The following ARHGAP11A variants were observed in gnomAD, a reference collection of about 807,000 sequenced individuals.
ARHGAP11A encodes rho GTPase-activating protein 11A.
ARHGAP11A carries 36 observed loss-of-function variants against 60.5 expected under a neutral mutation model. The observed-to-expected ratio is 0.59, with a 90% CI of 0.46 to 0.79. The LOEUF (loss-of-function observed/expected upper bound fraction) is 0.79. Ranked by LOEUF, ARHGAP11A falls within the 30% of genes least tolerant of loss-of-function variation. The probability of loss-of-function intolerance (pLI) is 0.00; values close to 1 mark genes in which losing one functional copy is unlikely to be tolerated. For missense variants in ARHGAP11A, 1,071 were observed against 1,199.2 expected (o/e 0.89, Z 1.58); for synonymous variants, 362 against 415.5 (o/e 0.87, Z 1.57).
intron 2 of ARHGAP11A, among the ~76,000 whole-genome samples, chr15:32,621,841 A>AG (rs1491563289): frequency 6.8e-3 from 1 of 148 alleles, no homozygotes; most frequent in East Asian, 0.071. Flanking sequence ...AAAAAAAAAG[A>AG]AAAAAAAAGA....
At chr15:32,621,861 A>G (rs1162460056) in intron 2 of ARHGAP11A, among the ~76,000 whole-genome samples, 1 of 152,286 alleles carries the variant, frequency 6.6e-6, no homozygotes, top group African/African-American at 2.4e-5. Flanking sequence ...AATGTAATCT[A>G]AAAATGCATA....
In ARHGAP11A at chr15:32,633,065, G is replaced by A; in HGVS notation, c.1192G>A (p.Val398Met). The A allele has an allele frequency of 6.2e-7, 1 of 1,614,112 alleles. No homozygotes were observed. The highest frequency in any genetic ancestry group is 1.1e-5 in the South Asian group (1 of 91,080). ...IGGNHLITAG[V>M]PRRSKRIAGK... ...TGGAAACCATTTGATCACTGCAGGT[G>A]TGCCAAGGCGAAGTAAAAGAATTGC... Residue 398 changes from valine to methionine, a missense_variant, in exon 9 of 12, where the codon GTG becomes ATG. Val to Met is a conservative substitution (Grantham distance 21). Coordinates refer to ENST00000361627, the MANE Select transcript of ARHGAP11A (RefSeq NM_014783.6).
In ARHGAP11A at chr15:32,638,584, C is replaced by A. The variant is rs1367929624; in HGVS notation, c.*739C>A. 6.6e-6 allele frequency: 1 copy of A among 152,296 alleles called. No homozygotes were observed. The highest frequency in any genetic ancestry group is 1.5e-5 in the Non-Finnish European group (1 of 68,012). The allele number at this position is 152,296 out of a possible 1,614,324, so 9.4% of individuals were successfully genotyped here. On this transcript the variant is annotated 3_prime_UTR_variant, in exon 12 of 12. Coordinates refer to ENST00000361627, the MANE Select transcript of ARHGAP11A (RefSeq NM_014783.6). Reference sequence around the variant, plus strand: ...TGGAATTATATTAATGTTTATTGTCCTTGCCAAAATTCCTAGAAATTAATT... The same window carrying A: ...TGGAATTATATTAATGTTTATTGTCATTGCCAAAATTCCTAGAAATTAATT...
intron 2 of ARHGAP11A, among the ~76,000 whole-genome samples, chr15:32,623,179 CTG>C (rs1441624751): frequency 1.3e-5 from 2 of 150,078 alleles, no homozygotes; most frequent in Admixed American, 6.6e-5. Flanking sequence ...TGAGTAGAGA[CTG>C]AGATATGAAG....
In ARHGAP11A at chr15:32,629,740, T is replaced by C. The variant is rs2053546627; in HGVS notation, c.1083T>C (p.Asn361=). 6.2e-7 allele frequency: 1 copy of C among 1,611,502 alleles called. No homozygotes were observed. Among genetic ancestry groups the C allele is most frequent in the Non-Finnish European group, 8.5e-7 (1 of 1,179,340 alleles). The part of the protein sequence containing the change: ...NFELLPSNLF[N]SSSTPVSVHI... ...AGCTGTTGCCAAGTAATCTCTTCAA[T>C]AGCAGTTCTACACCGGTATCAGGTA... Residue 361 remains asparagine, a synonymous_variant, in exon 8 of 12, where the codon AAT becomes AAC. Coordinates refer to ENST00000361627, the MANE Select transcript of ARHGAP11A (RefSeq NM_014783.6).
At chr15:32,633,841 A>C in intron 9 of ARHGAP11A, 92 bp from the exon 10 acceptor site, 1 of 727,778 alleles carries the variant, frequency 1.4e-6, no homozygotes, top group Non-Finnish European at 2.3e-6. Context: ...TATCAATATG[A>C]TTTGCTGTGG....
At position 32,633,921 on chromosome 15, in the gene ARHGAP11A, C is replaced by T. The variant is rs1476600110; in HGVS notation, c.1236-12C>T. On this transcript the variant is annotated splice_polypyrimidine_tract_variant and intron_variant, in intron 9 of 11. Coordinates refer to ENST00000361627, the MANE Select transcript of ARHGAP11A (RefSeq NM_014783.6). ...TACTATAAACTGACATTTTTAATTC[C>T]ACTTCTTCTAGAGTGGAATCAGGAA... 10 of 1,544,404 alleles carry T rather than the reference C, an allele frequency of 6.5e-6. No individual in the cohort carries two copies. Among genetic ancestry groups the T allele is most frequent in the East Asian group, 2.3e-5 (1 of 42,990 alleles).
At position 32,637,146 on chromosome 15, in the gene ARHGAP11A, T is replaced by C. The variant is rs947021953; in HGVS notation, c.2373T>C (p.Cys791=). 1 of 1,614,032 alleles carries C rather than the reference T, an allele frequency of 6.2e-7. No homozygotes were observed. Among genetic ancestry groups the C allele is most frequent in the African/African-American group, 1.3e-5 (1 of 74,938 alleles). Residue 791 remains cysteine (C), a synonymous_variant, in exon 12 of 12, where the codon TGT becomes TGC. Transcript: ENST00000361627. The part of the protein sequence containing the change: ...RIAKQQSLET[C]EKTVSESSQM... ...CTAAACAGCAGTCATTGGAAACATG[T>C]GAGAAAACAGTTTCTGAAAGTTCAC...
rs759696997 is a variant in ARHGAP11A, at chr15:32,627,405, A to C, written c.863-1323A>C. 8.6e-5 allele frequency among the ~76,000 whole-genome samples: 13 copies of C among 151,870 alleles called. 1 individual carries two copies. Among genetic ancestry groups the C allele is most frequent in the Non-Finnish European group, 1.5e-4 (10 of 67,970 alleles). On this transcript the variant is annotated intron_variant, in intron 6 of 11. Transcript: ENST00000361627. ...CAGTTTTCATGTCGTATAAGATTCTATCTCCGTAGTGTTTATTGCATTGTT... is the reference window on the plus strand; with the variant it reads ...CAGTTTTCATGTCGTATAAGATTCTCTCTCCGTAGTGTTTATTGCATTGTT...
At chr15:32,629,861 C>G in intron 8 of ARHGAP11A, 99 bp downstream of exon 8, 3 of 774,622 alleles carry the variant, frequency 3.9e-6, no homozygotes. Context: ...CCCTTAGGAA[C>G]TAGAACTTTA....
Position 32,636,933 on chromosome 15 carries a change from T to C in ARHGAP11A, c.2160T>C (p.Asp720=). 6.2e-7 allele frequency: 1 copy of C among 1,611,246 alleles called. No homozygotes were observed. The highest frequency in any genetic ancestry group is 8.5e-7 in the Non-Finnish European group (1 of 1,179,248). The change falls in exon 12 of 12, where the codon GAT becomes GAC. Residue 720 remains aspartate, a synonymous_variant. Transcript: ENST00000361627. ...TAAGCAAGCAAGAATTCTCCAGTGATGAAGAAATAAAGAAACAGCAGTCCC... is the reference window on the plus strand; with the variant it reads ...TAAGCAAGCAAGAATTCTCCAGTGACGAAGAAATAAAGAAACAGCAGTCCC... The part of the protein sequence containing the change: ...DYLSKQEFSS[D]EEIKKQQSPK...
At position 32,639,139 on chromosome 15, in the gene ARHGAP11A, C is replaced by T. The variant is rs952369374; in HGVS notation, c.*1294C>T. The T allele has an allele frequency of 2.0e-5, 3 of 152,514 alleles. No individual in the cohort carries two copies. The highest frequency in any genetic ancestry group is 2.0e-4 in the Admixed American group (3 of 15,278). 9.4% of individuals were successfully genotyped at this position (152,514 alleles called of 1,614,324 possible). ...TCTAAATTTATATTTTAAATTATTACAAATTACACATCTTTGAGGAAAGAG... is the reference window on the plus strand; with the variant it reads ...TCTAAATTTATATTTTAAATTATTATAAATTACACATCTTTGAGGAAAGAG... On this transcript the variant is annotated 3_prime_UTR_variant, in exon 12 of 12. Transcript: ENST00000361627.
intron 6 of ARHGAP11A, among the ~76,000 whole-genome samples, chr15:32,628,085 C>T (rs1160967745): frequency 6.6e-6 from 1 of 152,210 alleles, no homozygotes; most frequent in Non-Finnish European, 1.5e-5. Context: ...GCTAGGATTA[C>T]AGGTGTGAGC....
At chr15:32,624,843 G>T (rs2053420769) in intron 4 of ARHGAP11A, among the ~76,000 whole-genome samples, 1 of 151,382 alleles carries the variant, frequency 6.6e-6, no homozygotes, top group African/African-American at 2.4e-5. Flanking sequence ...AATTTGTGTG[G>T]AAAAGCAAAG....
At chr15:32,618,801 A>G (rs1338046673) in intron 1 of ARHGAP11A, among the ~76,000 whole-genome samples, 2 of 139,860 alleles carry the variant, frequency 1.4e-5, no homozygotes, top group Non-Finnish European at 3.1e-5. Context: ...AATACAAAAA[A>G]ATTAGCCAGG....
At chr15:32,634,354 T>G (rs1437959246) in intron 10 of ARHGAP11A, among the ~76,000 whole-genome samples, 1 of 152,170 alleles carries the variant, frequency 6.6e-6, no homozygotes, top group Non-Finnish European at 1.5e-5. Flanking sequence ...TTGGGGGGGA[T>G]TTTGGAATAT....
At chr15:32,624,552 T>C in intron 4 of ARHGAP11A, 126 bp downstream of exon 4, 2 of 1,436,290 alleles carry the variant, frequency 1.4e-6, no homozygotes, top group South Asian at 2.9e-5. Flanking sequence ...ATTTCATTAC[T>C]ATGAGGAGTA....
Position 32,633,956 on chromosome 15 carries a change from G to A in ARHGAP11A, c.1259G>A (p.Cys420Tyr). Residue 420 changes from cysteine (C) to tyrosine (Y), a missense_variant, in exon 10 of 12, where the codon TGC becomes TAC. Physicochemically the swap from Cys to Tyr is radical, Grantham distance 194. Around this residue, in one of 4 missense-constraint regions of ARHGAP11A, gnomAD observed 776 missense variants for 760.2 expected, o/e 1.02. Coordinates refer to ENST00000361627, the MANE Select transcript of ARHGAP11A (RefSeq NM_014783.6). ...VCRVESGKAG[C>Y]FSPKISHKEK... is the part of the protein sequence containing the mutation. ...AGAGTGGAATCAGGAAAAGCAGGCT[G>A]CTTTTCTCCTAAAATCAGCCATAAA... The A allele has an allele frequency of 6.2e-7, 1 of 1,603,948 alleles. No homozygotes were observed. Among genetic ancestry groups the A allele is most frequent in the Non-Finnish European group, 8.5e-7 (1 of 1,176,904 alleles).
chr15:32,625,506 C>G lies in ARHGAP11A; in HGVS notation c.735C>G (p.Ile245Met). Residue 245 changes from isoleucine (I) to methionine (M), a missense_variant, in exon 6 of 12, where the codon ATC becomes ATG. Ile to Met is a conservative substitution (Grantham distance 10). This residue lies in a region of ARHGAP11A where 196 missense variants were observed against 272.1 expected (regional missense o/e 0.72). Coordinates refer to ENST00000361627, the MANE Select transcript of ARHGAP11A (RefSeq NM_014783.6). ...ASDIGRVPDFILEKIPAMLGI... is the reference protein window; with the variant it reads ...ASDIGRVPDFMLEKIPAMLGI... ...ATTTAGGGCGTGTACCAGATTTTAT[C>G]CTGGAAAAGATACCAGCCATGTTGG... The G allele has an allele frequency of 6.2e-7, 1 of 1,613,854 alleles. No homozygotes were observed. Among genetic ancestry groups the G allele is most frequent in the Non-Finnish European group, 8.5e-7 (1 of 1,179,842 alleles).
Sources: gnomAD v4.1 joint callset for allele counts (sites outside exome capture counted in the v4.1 genomes callset) on GRCh38, gnomAD v4.1.1 for gene constraint, gnomAD v4.1.1 regional missense constraint, MANE v1.5 for transcripts, NCBI Gene and HGNC (gene_info 2026-07-23, HGNC 2026-07-21) for gene names.